Variants in CATSPERE observed in about 807,000 individuals in gnomAD.
CATSPERE encodes catsper channel auxiliary subunit epsilon, also known as cation channel sperm-associated auxiliary subunit epsilon.
CATSPERE carries 93 observed loss-of-function variants against 114.1 expected under a neutral mutation model. The ratio of observed to expected loss-of-function variants is 0.81; its 90% CI spans 0.69 to 0.97. CATSPERE has a LOEUF of 0.97. Ranked by LOEUF, CATSPERE falls within the 50% of genes least tolerant of loss-of-function variation. The pLI, the probability that CATSPERE is intolerant of heterozygous loss-of-function variation, is 0.00. For missense variants in CATSPERE, 1,058 were observed against 1,131.6 expected (o/e 0.93, Z 0.93); for synonymous variants, 341 against 384.1 (o/e 0.89, Z 1.31).
intron 11 of CATSPERE, among the ~76,000 whole-genome samples, chr1:244,580,116 A>C (rs1410726907): frequency 6.6e-6 from 1 of 151,912 alleles, no homozygotes. Context: ...GGTTCACCGC[A>C]ACCTCTGCTC....
At chr1:244,513,420 C>T (rs1201261976) in intron 7 of CATSPERE, among the ~76,000 whole-genome samples, 2 of 152,194 alleles carry the variant, frequency 1.3e-5, no homozygotes, top group African/African-American at 4.8e-5. Context: ...GAACAATCCC[C>T]AGGCCCCTGG....
chr1:244,521,123 G>A (rs1677473782), intron 8 of CATSPERE, among the ~76,000 whole-genome samples: 1 of 152,164 alleles, frequency 6.6e-6, no homozygotes, highest in Admixed American at 6.5e-5. Context: ...GGAGGCCAAG[G>A]CAGGAGGATT....
intron 7 of CATSPERE, among the ~76,000 whole-genome samples, chr1:244,511,013 T>C (rs1424464744): frequency 6.6e-6 from 1 of 151,872 alleles, no homozygotes; most frequent in Non-Finnish European, 1.5e-5. Context: ...CTGGCTAATT[T>C]TGTATTTTTA....
At chr1:244,490,327 C>A in intron 5 of CATSPERE, 120 bp from the exon 6 acceptor site, 4 of 595,204 alleles carry the variant, frequency 6.7e-6, no homozygotes, top group South Asian at 2.6e-5. Flanking sequence ...ATTTTATATA[C>A]CGTAATGAAA....
At chr1:244,628,702 T>C (rs528561236) in intron 20 of CATSPERE, among the ~76,000 whole-genome samples, 3 of 152,208 alleles carry the variant, frequency 2.0e-5, no homozygotes, top group Non-Finnish European at 4.4e-5. Context: ...TACTTGAAGA[T>C]TTTTATGCTC....
rs139655114 is a variant in CATSPERE at position 244,512,853 on chromosome 1, C to G, written c.430-5739C>G. Among the ~76,000 whole-genome samples, 183 of 152,282 alleles carry G rather than the reference C, an allele frequency of 1.2e-3. 1 individual carries two copies. Among genetic ancestry groups the G allele is most frequent in the Non-Finnish European group, 2.1e-3 (142 of 68,026 alleles). The stretch of plus-strand genomic sequence containing the variant: ...ATTTCTTCAGCTATATAATCAGCAT[C>G]AATGATGTCTCTGAGTTTTGCAGTG... On this transcript the variant is annotated intron_variant, in intron 7 of 21. Coordinates refer to ENST00000366534, the MANE Select transcript of CATSPERE (RefSeq NM_001130957.2).
chr1:244,621,090 TATAAAA>T (rs1672117858), intron 20 of CATSPERE, among the ~76,000 whole-genome samples: 1 of 65,218 alleles, frequency 1.5e-5, no homozygotes, highest in Non-Finnish European at 2.8e-5. Flanking sequence ...TATAAATATA[TATAAAA>T]TATATATAAA....
chr1:244,609,270 A>T (rs980339269), intron 18 of CATSPERE, among the ~76,000 whole-genome samples: 2 of 152,174 alleles, frequency 1.3e-5, no homozygotes, highest in African/African-American at 4.8e-5. Context: ...GATACAAAAC[A>T]TTATGGCAAA....
chr1:244,569,450 A>T (rs1300557084), intron 10 of CATSPERE, among the ~76,000 whole-genome samples: 1 of 152,148 alleles, frequency 6.6e-6, no homozygotes. Flanking sequence ...CATTGGGTTT[A>T]TCTATACTGA....
chr1:244,575,647 GCT>G lies in CATSPERE; in HGVS notation c.1950+2880_1950+2881del, dbSNP rs370662601. On this transcript the variant is annotated intron_variant, in intron 11 of 21. Transcript: ENST00000366534. The surrounding 1 kb of genome is among the most constrained non-coding windows in gnomAD (Gnocchi z 4.5). ...ATGTGGAGCTGCGCTTGCTGCTGTT[GCT>G]CTCTTTCTCTCTAACTTCCTCTCCT... 2.6e-4 allele frequency among the ~76,000 whole-genome samples: 40 copies of G among 152,182 alleles called. No individual in the cohort carries two copies. Among genetic ancestry groups the G allele is most frequent in the African/African-American group, 9.6e-4 (40 of 41,520 alleles).
chr1:244,566,359 G>T (rs1663494867), intron 10 of CATSPERE, among the ~76,000 whole-genome samples: 1 of 152,146 alleles, frequency 6.6e-6, no homozygotes, highest in Non-Finnish European at 1.5e-5. Context: ...CCAGGGCTGA[G>T]TTCAAGTCCT....
intron 7 of CATSPERE, among the ~76,000 whole-genome samples, chr1:244,517,708 G>A (rs2148356813): frequency 6.6e-6 from 1 of 151,872 alleles, no homozygotes; most frequent in South Asian, 2.1e-4. Flanking sequence ...AGGAGGTAGA[G>A]GTTGCAGTGA....
chr1:244,592,706 G>A (rs1416542778), intron 15 of CATSPERE, among the ~76,000 whole-genome samples: 1 of 152,220 alleles, frequency 6.6e-6, no homozygotes. Flanking sequence ...ACAAGGATGA[G>A]AAGAAAATGT....
Position 244,639,964 on chromosome 1 carries a change from C to G in CATSPERE, c.2739C>G (p.Val913=), listed in dbSNP as rs536723959. The change falls in exon 22 of 22, where the codon GTC becomes GTG. Residue 913 remains valine (V), a synonymous_variant. Coordinates refer to ENST00000366534, the MANE Select transcript of CATSPERE (RefSeq NM_001130957.2). Reference sequence around the variant, plus strand: ...ACCTGGTAGCTTCTTTCCTCTTCGTCCTGATGCTGCTCTTCTTCACTATTC... The same window carrying G: ...ACCTGGTAGCTTCTTTCCTCTTCGTGCTGATGCTGCTCTTCTTCACTATTC... ...SVYLVASFLF[V]LMLLFFTILV... 2.7e-4 allele frequency: 419 copies of G among 1,549,522 alleles called. 7 individuals are homozygous for G. In the South Asian group the frequency reaches 4.8e-3, roughly 18 times the overall value.
chr1:244,515,730 G>A (rs1016417492), intron 7 of CATSPERE, among the ~76,000 whole-genome samples: 1 of 151,912 alleles, frequency 6.6e-6, no homozygotes, highest in African/African-American at 2.4e-5. Context: ...TAAAAAATCA[G>A]GTAAGATCAA....
At position 244,560,718 on chromosome 1, in the gene CATSPERE, C is replaced by T. The variant is rs1205060827; in HGVS notation, c.1080C>T (p.Tyr360=). 7 of 1,613,588 alleles carry T rather than the reference C, an allele frequency of 4.3e-6. No homozygotes were observed. The highest frequency in any genetic ancestry group is 5.9e-6 in the Non-Finnish European group (7 of 1,179,832). The stretch of plus-strand genomic sequence containing the variant: ...CAGTCTGGACAGAAAATGAAATTTA[C>T]CTCGGATCCATTCTTCTTAAGTTTG... ...TFAVWTENEI[Y]LGSILLKFAR... is the part of the protein sequence containing the mutation. Residue 360 remains tyrosine, a synonymous_variant, in exon 10 of 22, where the codon TAC becomes TAT. Transcript: ENST00000366534.
chr1:244,518,758 AT>A (rs1370809949), intron 8 of CATSPERE, 60 bp downstream of exon 8: 1 of 883,212 alleles, frequency 1.1e-6, no homozygotes, highest in Non-Finnish European at 1.7e-6. Context: ...AGATTTTAAA[AT>A]CCTAGTGGAA....
intron 5 of CATSPERE, among the ~76,000 whole-genome samples, chr1:244,486,790 TCGTGGGC>T (rs1671120758): frequency 9.9e-6 from 1 of 101,304 alleles, no homozygotes; most frequent in African/African-American, 4.0e-5. Context: ...TGTGGAGTAC[TCGTGGGC>T]CAGGTGTAGA....
At position 244,568,516 on chromosome 1, in the gene CATSPERE, G is replaced by A. The variant is rs999418937; in HGVS notation, c.1508-3814G>A. Among the ~76,000 whole-genome samples the A allele has an allele frequency of 1.3e-5, 2 of 152,232 alleles. No homozygotes were observed. Among genetic ancestry groups the A allele is most frequent in the Non-Finnish European group, 2.9e-5 (2 of 68,034 alleles). ...CTATAAGCCCCTGAGTGGGGCTGCT[G>A]CCTTTCTTTCAGAGATGCGCTGCCC... On this transcript the variant is annotated intron_variant, in intron 10 of 21. Transcript: ENST00000366534. The surrounding 1 kb of genome is among the most constrained non-coding windows in gnomAD (Gnocchi z 4.4).
Sources: gnomAD v4.1 joint callset for allele counts (sites outside exome capture counted in the v4.1 genomes callset) on GRCh38, gnomAD v4.1.1 for gene constraint, Gnocchi (gnomAD v3.1) non-coding constraint, MANE v1.5 for transcripts, NCBI Gene and HGNC (gene_info 2026-07-23, HGNC 2026-07-21) for gene names.